Variants in DSTYK observed in about 807,000 individuals in gnomAD.
DSTYK encodes the protein dual serine/threonine and tyrosine protein kinase.
DSTYK carries 34 observed loss-of-function variants against 98.7 expected under a neutral mutation model. The ratio of observed to expected loss-of-function variants is 0.34; its 90% CI spans 0.26 to 0.46. The LOEUF is 0.46. Ranked by LOEUF, DSTYK falls within the 20% of genes least tolerant of loss-of-function variation. DSTYK has a pLI of 1.00. For missense variants in DSTYK, 962 were observed against 1,181.7 expected (o/e 0.81, Z 2.73); for synonymous variants, 462 against 457.3 (o/e 1.01, Z -0.13).
chr1:205,154,515 G>A (rs775859035), intron 10 of DSTYK, among the ~76,000 whole-genome samples: 10 of 152,160 alleles, frequency 6.6e-5, no homozygotes, highest in Non-Finnish European at 1.3e-4. Context: ...GGCCTCTCCA[G>A]CCTTGCGGAA....
intron 2 of DSTYK, among the ~76,000 whole-genome samples, chr1:205,185,696 C>A (rs1199296048): frequency 6.6e-6 from 1 of 152,056 alleles, no homozygotes; most frequent in Non-Finnish European, 1.5e-5. Flanking sequence ...GTACTGGGTC[C>A]TGAAAGAAAA....
At chr1:205,186,706 C>T (rs1175621695) in intron 2 of DSTYK, among the ~76,000 whole-genome samples, 1 of 152,176 alleles carries the variant, frequency 6.6e-6, no homozygotes, top group East Asian at 1.9e-4. Flanking sequence ...GGAAAGGAAA[C>T]GCAGACCAAG....
intron 10 of DSTYK, among the ~76,000 whole-genome samples, chr1:205,154,838 T>C (rs530796897): frequency 1.3e-5 from 2 of 152,190 alleles, no homozygotes; most frequent in Admixed American, 1.3e-4. Flanking sequence ...CAGATGGAAA[T>C]GAGGAACTTG....
At chr1:205,193,870 CA>C (rs61391440) in intron 1 of DSTYK, among the ~76,000 whole-genome samples, 26,874 of 97,924 alleles carry the variant, frequency 0.27, 2,408 homozygotes, top group East Asian at 0.47. Context: ...GACTCCGTCT[CA>C]AAAAAAAAAA....
intron 1 of DSTYK, among the ~76,000 whole-genome samples, chr1:205,209,529 CTAAGA>C (rs1164386004): frequency 4.1e-4 from 19 of 45,842 alleles, no homozygotes; most frequent in East Asian, 3.0e-3. Context: ...AAATAAGATA[CTAAGA>C]TCATGACAGG....
At chr1:205,205,664 C>T (rs1028409660) in intron 1 of DSTYK, among the ~76,000 whole-genome samples, 1 of 152,080 alleles carries the variant, frequency 6.6e-6, no homozygotes, top group Non-Finnish European at 1.5e-5. Context: ...AGGCTAGTCT[C>T]GAGCTCCTGA....
chr1:205,164,654 G>T (rs547781868), intron 3 of DSTYK, among the ~76,000 whole-genome samples: 1 of 152,104 alleles, frequency 6.6e-6, no homozygotes, highest in African/African-American at 2.4e-5. Context: ...GTAGAGACGG[G>T]GTTTCCCCAT....
At position 205,169,889 on chromosome 1, in the gene DSTYK, TC is replaced by T; in HGVS notation, c.655-58del. 1 of 1,498,892 alleles carries T rather than the reference TC, an allele frequency of 6.7e-7. No individual in the cohort carries two copies. Among genetic ancestry groups the T allele is most frequent in the South Asian group, 1.3e-5 (1 of 77,192 alleles). The allele number at this position is 1,498,892 out of a possible 1,614,324, so 92.8% of individuals were successfully genotyped here. On this transcript the variant is annotated intron_variant, in intron 2 of 12. Transcript: ENST00000367162. This position sits in a 1 kb window ranked among gnomAD's most constrained non-coding sequence, Gnocchi z 4.0. ...CTCAGGGTCAGAACCAATCCCTGTC[TC>T]CCCAAAGTCCCACACTGAGACCAAA...
intron 2 of DSTYK, among the ~76,000 whole-genome samples, chr1:205,184,699 G>GC (rs1658515562): frequency 6.6e-6 from 1 of 152,080 alleles, no homozygotes; most frequent in Admixed American, 6.6e-5. Flanking sequence ...GCTGACCACT[G>GC]CCTCCACTGG....
At chr1:205,159,468 CT>C in intron 9 of DSTYK, 78 bp downstream of exon 9, 1 of 1,452,364 alleles carries the variant, frequency 6.9e-7, no homozygotes, top group African/African-American at 1.4e-5. Flanking sequence ...GCTAAAAGCT[CT>C]TAATAAACAG....
intron 7 of DSTYK, 56 bp downstream of exon 7, chr1:205,161,202 G>T: frequency 1.9e-6 from 3 of 1,597,890 alleles, no homozygotes; most frequent in South Asian, 2.3e-5. Flanking sequence ...CTGGACATAA[G>T]AATGTCAGGT....
Position 205,169,848 on chromosome 1 carries a change from G to A in DSTYK, c.655-16C>T, listed in dbSNP as rs369555186. 3.7e-4 allele frequency: 589 copies of A among 1,597,280 alleles called. No individual in the cohort carries two copies. The highest frequency in any genetic ancestry group is 4.8e-4 in the Non-Finnish European group (558 of 1,172,690). Reference sequence around the variant, plus strand: ...CGTCCACTTCCTGGAAGGGGAAGGGGGTCATATATCAGCGCCTCAGGGTCA... The same window carrying A: ...CGTCCACTTCCTGGAAGGGGAAGGGAGTCATATATCAGCGCCTCAGGGTCA... On this transcript the variant is annotated splice_polypyrimidine_tract_variant and intron_variant, in intron 2 of 12. Coordinates refer to ENST00000367162, the MANE Select transcript of DSTYK (RefSeq NM_015375.3). This position sits in a 1 kb window ranked among gnomAD's most constrained non-coding sequence, Gnocchi z 4.0.
Position 205,144,364 on chromosome 1 carries a change from A to G in DSTYK, c.*3194T>C, listed in dbSNP as rs1657159692. ...ATCTCACCTCACCACTTGGGAACAC[A>G]TACAACCAAAGCTGGGAGGTAAAAT... On this transcript the variant is annotated 3_prime_UTR_variant, in exon 13 of 13. Transcript: ENST00000367162. 1 of 152,642 alleles carries G rather than the reference A, an allele frequency of 6.6e-6. No individual in the cohort carries two copies. The highest frequency in any genetic ancestry group is 2.4e-5 in the African/African-American group (1 of 41,446). 9.5% of individuals were successfully genotyped at this position (152,642 alleles called of 1,614,324 possible). A position where few individuals can be genotyped will look rare whatever the true frequency, so the allele number is the denominator to read the frequency against.
chr1:205,211,322 C>T lies in DSTYK; in HGVS notation c.214G>A (p.Gly72Arg). The change falls in exon 1 of 13, where the codon GGG (glycine) becomes AGG (arginine). Residue 72 changes from glycine to arginine, a missense_variant. Gly to Arg is a moderately radical substitution (Grantham distance 125). This residue lies in a region of DSTYK where 168 missense variants were observed against 120.0 expected (regional missense o/e 1.40). Coordinates refer to ENST00000367162, the MANE Select transcript of DSTYK (RefSeq NM_015375.3). ...TCLSSLTGGG[G>R]AERGPAGDVA... The stretch of plus-strand genomic sequence containing the variant: ...TCGCCTGCAGGGCCGCGCTCGGCCC[C>T]GCCGCCGCCCGTGAGGGAGGAGAGA... 1 of 1,610,634 alleles carries T rather than the reference C, an allele frequency of 6.2e-7. No individual in the cohort carries two copies. The highest frequency in any genetic ancestry group is 8.5e-7 in the Non-Finnish European group (1 of 1,178,716).
At chr1:205,177,487 T>C (rs1658265913) in intron 2 of DSTYK, among the ~76,000 whole-genome samples, 1 of 152,234 alleles carries the variant, frequency 6.6e-6, no homozygotes, top group Admixed American at 6.5e-5. Context: ...TCTTTTTCAT[T>C]TCTAAATAGT....
intron 2 of DSTYK, among the ~76,000 whole-genome samples, chr1:205,182,329 G>T (rs1293082670): frequency 6.6e-6 from 1 of 151,652 alleles, no homozygotes; most frequent in African/African-American, 2.4e-5. Flanking sequence ...GCCAGAAGTT[G>T]CAGTGAGCCA....
chr1:205,210,835 T>C (rs1420351242), intron 1 of DSTYK, among the ~76,000 whole-genome samples: 1 of 152,192 alleles, frequency 6.6e-6, no homozygotes, highest in African/African-American at 2.4e-5. Flanking sequence ...CATGGCCTCC[T>C]CGGACTCCCG....
At chr1:205,179,510 A>G (rs530355210) in intron 2 of DSTYK, among the ~76,000 whole-genome samples, 29 of 151,186 alleles carry the variant, frequency 1.9e-4, no homozygotes, top group Non-Finnish European at 3.7e-4. Context: ...AGTCCCAGCT[A>G]TTTGGGAGGC....
At position 205,175,090 on chromosome 1, in the gene DSTYK, A is replaced by G. The variant is rs555263707; in HGVS notation, c.655-5258T>C. On this transcript the variant is annotated intron_variant, in intron 2 of 12. Transcript: ENST00000367162. ...TATGGCCTGATATATTGGCACCCAC[A>G]AAGAAGCTGCCCTTTTTTTTTTTTT... 7.5e-5 allele frequency among the ~76,000 whole-genome samples: 11 copies of G among 146,910 alleles called. No individual in the cohort carries two copies. In the South Asian group the frequency reaches 2.2e-3, roughly 29 times the overall value.
Sources: allele counts gnomAD v4.1 joint callset (sites outside exome capture counted in the v4.1 genomes callset), GRCh38; gene constraint gnomAD v4.1.1; regional missense constraint gnomAD v4.1.1; non-coding constraint Gnocchi (gnomAD v3.1); transcripts MANE v1.5; gene names NCBI Gene and HGNC (gene_info 2026-07-23, HGNC 2026-07-21).